The following RIN2 variants were observed in gnomAD, a reference collection of about 807,000 sequenced individuals.
RIN2 encodes the protein Ras and Rab interactor 2.
RIN2 carries 36 observed loss-of-function variants against 78.0 expected under a neutral mutation model. The observed-to-expected ratio is 0.46, with a 90% confidence interval of 0.35 to 0.61. The LOEUF is 0.61. Ranked by LOEUF, RIN2 falls within the 20% of genes least tolerant of loss-of-function variation. RIN2 has a pLI of 0.00. For synonymous variants in RIN2, 466 were observed against 466.8 expected, an observed-to-expected ratio of 1.00 and a Z score of 0.02; for missense variants, 1,087 against 1,159.7, an observed-to-expected ratio of 0.94 and a Z score of 0.91.
rs1402882951 is a variant in RIN2 at position 19,975,126 on chromosome 20, T to C, written c.1101T>C (p.Phe367=). Residue 367 remains phenylalanine, a synonymous_variant, in exon 9 of 13, where the codon TTT becomes TTC. Transcript: ENST00000255006. This position sits in a 1 kb window ranked among gnomAD's most constrained non-coding sequence, Gnocchi z 4.9. ...CCCGGCTGAAGAAGCAGGCTTCTTT[T>C]CTGGAAGCAGAGGGCGGTGCAAAGA... ...PPPRLKKQAS[F]LEAEGGAKTL... is the part of the protein sequence containing the mutation. 6.2e-7 allele frequency: 1 copy of C among 1,613,228 alleles called. No individual in the cohort carries two copies. The highest frequency in any genetic ancestry group is 2.2e-5 in the East Asian group (1 of 44,882).
At chr20:19,769,367 A>C (rs1363096012) in intron 1 of RIN2, among the ~76,000 whole-genome samples, 1 of 152,156 alleles carries the variant, frequency 6.6e-6, no homozygotes, top group East Asian at 1.9e-4. Context: ...GAATCTTCTA[A>C]CTAGGTCAGG....
chr20:19,828,757 C>T (rs1052294673), intron 2 of RIN2, among the ~76,000 whole-genome samples: 2 of 152,058 alleles, frequency 1.3e-5, no homozygotes, highest in Admixed American at 6.6e-5. Context: ...ACCGAGTGTC[C>T]CATTCCCTGT....
intron 8 of RIN2, 65 bp downstream of exon 8, chr20:19,970,994 G>T: frequency 8.5e-7 from 1 of 1,179,792 alleles, no homozygotes; most frequent in Non-Finnish European, 1.2e-6. Flanking sequence ...TCAATGGTGG[G>T]CTCACTGAGG....
rs76246587 is a variant in RIN2, at chr20:19,911,919, G to A, written c.57+22261G>A. Among the ~76,000 whole-genome samples the A allele has an allele frequency of 3.7e-3, 556 of 152,246 alleles. 4 individuals are homozygous for A. Among genetic ancestry groups the A allele is most frequent in the African/African-American group, 9.4e-3 (391 of 41,544 alleles). The stretch of plus-strand genomic sequence containing the variant: ...GGTGAATCGCGTGGGTGAGCCCAGC[G>A]TACAGATGTGCAGCCAGCCATGGCT... On this transcript the variant is annotated intron_variant, in intron 3 of 12. Coordinates refer to ENST00000255006, the MANE Select transcript of RIN2 (RefSeq NM_018993.4).
intron 2 of RIN2, among the ~76,000 whole-genome samples, chr20:19,846,482 A>G (rs969920096): frequency 1.1e-4 from 17 of 152,152 alleles, no homozygotes; most frequent in Non-Finnish European, 2.2e-4. Flanking sequence ...TATTCTCTTT[A>G]TAGCAATTGT....
chr20:19,965,905 C>T (rs1213887996), intron 7 of RIN2, among the ~76,000 whole-genome samples: 1 of 152,222 alleles, frequency 6.6e-6, no homozygotes, highest in East Asian at 1.9e-4. Flanking sequence ...AGCCACCACG[C>T]CCCGCCCAGA....
chr20:19,981,373 G>C (rs527667838), intron 9 of RIN2, among the ~76,000 whole-genome samples: 2 of 152,184 alleles, frequency 1.3e-5, no homozygotes, highest in Non-Finnish European at 2.9e-5. Context: ...ATGTATGCCA[G>C]GTTTCTGCCC....
At chr20:19,923,439 T>TAAAA (rs371330701) in intron 3 of RIN2, among the ~76,000 whole-genome samples, 1 of 114,248 alleles carries the variant, frequency 8.8e-6, no homozygotes, top group Non-Finnish European at 1.6e-5. Flanking sequence ...TAAAATAAAA[T>TAAAA]AAAATAAAAT....
At chr20:19,921,534 C>T (rs1001318555) in intron 3 of RIN2, among the ~76,000 whole-genome samples, 1 of 152,172 alleles carries the variant, frequency 6.6e-6, no homozygotes, top group East Asian at 1.9e-4. Context: ...CTGCTCTGAG[C>T]TGAGGAGACT....
chr20:19,837,048 A>AT (rs71198029), intron 2 of RIN2, among the ~76,000 whole-genome samples: 21,257 of 152,060 alleles, frequency 0.14, 1,883 homozygotes, highest in African/African-American at 0.24. Context: ...CTTTATCTAT[A>AT]TAATTTCCAT....
intron 4 of RIN2, among the ~76,000 whole-genome samples, chr20:19,954,240 C>T (rs745451577): frequency 2.0e-5 from 3 of 152,224 alleles, no homozygotes; most frequent in Non-Finnish European, 4.4e-5. Context: ...TTTTATAACT[C>T]ATCATACATT....
chr20:19,987,884 A>C (rs1408465763), intron 9 of RIN2, among the ~76,000 whole-genome samples: 2 of 152,148 alleles, frequency 1.3e-5, no homozygotes, highest in Non-Finnish European at 1.5e-5. Context: ...GATCTCCTGG[A>C]TAAGTTGGAA....
At chr20:19,786,942 A>C (rs2034696763) in intron 1 of RIN2, among the ~76,000 whole-genome samples, 1 of 152,192 alleles carries the variant, frequency 6.6e-6, no homozygotes, top group African/African-American at 2.4e-5. Context: ...CTTTTGGTGA[A>C]AGTAAATGAT....
intron 3 of RIN2, among the ~76,000 whole-genome samples, chr20:19,891,893 C>T (rs751618253): frequency 1.2e-4 from 19 of 152,168 alleles, no homozygotes; most frequent in Non-Finnish European, 2.1e-4. Context: ...AGGAAGGTGC[C>T]CTGAGGGGCC....
chr20:19,904,750 G>A (rs977943007), intron 3 of RIN2, among the ~76,000 whole-genome samples: 5 of 152,138 alleles, frequency 3.3e-5, no homozygotes, highest in Non-Finnish European at 7.4e-5. Context: ...GAGGAGGGGA[G>A]TGCCACCTAT....
chr20:19,981,397 A>C (rs1256155812), intron 9 of RIN2, among the ~76,000 whole-genome samples: 2 of 152,152 alleles, frequency 1.3e-5, no homozygotes, highest in African/African-American at 4.8e-5. Flanking sequence ...AAAATTAAAG[A>C]TTCCCTTCTT....
At chr20:19,764,314 A>C (rs2033773461) in intron 1 of RIN2, among the ~76,000 whole-genome samples, 1 of 152,202 alleles carries the variant, frequency 6.6e-6, no homozygotes, top group Admixed American at 6.5e-5. Flanking sequence ...GGAAGCAGAC[A>C]TCTGTCCTGT....
At chr20:19,978,207 A>C (rs1042012872) in intron 9 of RIN2, among the ~76,000 whole-genome samples, 1 of 152,216 alleles carries the variant, frequency 6.6e-6, no homozygotes, top group Admixed American at 6.5e-5. Context: ...CTTCTGAAGA[A>C]GATAGCTCTG....
At chr20:19,865,457 CA>C (rs1216607033) in intron 2 of RIN2, among the ~76,000 whole-genome samples, 2 of 150,842 alleles carry the variant, frequency 1.3e-5, no homozygotes, top group African/African-American at 4.9e-5. Context: ...ATTTTAAATT[CA>C]AATTTCATTT....
Sources: gnomAD v4.1 joint callset for allele counts (sites outside exome capture counted in the v4.1 genomes callset) on GRCh38, gnomAD v4.1.1 for gene constraint, Gnocchi (gnomAD v3.1) non-coding constraint, MANE v1.5 for transcripts, NCBI Gene and HGNC (gene_info 2026-07-23, HGNC 2026-07-21) for gene names.